GLDN: variants seen among roughly 807,000 people sequenced by gnomAD.
The protein encoded by GLDN is gliomedin.
Under a neutral mutation model 56.5 loss-of-function variants are expected in GLDN, and 47 were observed. The ratio of observed to expected loss-of-function variants is 0.83; its 90% CI spans 0.66 to 1.06. The LOEUF is 1.06. Ranked by LOEUF, GLDN falls within the 50% of genes least tolerant of loss-of-function variation. The probability of loss-of-function intolerance (pLI) is 0.00; values close to 1 mark genes in which losing one functional copy is unlikely to be tolerated. For synonymous variants in GLDN, 332 were observed against 278.8 expected (o/e 1.19, Z -1.90); for missense variants, 782 against 714.3 (o/e 1.09, Z -1.08).
chr15:51,404,572 G>A lies in GLDN; in HGVS notation c.1474G>A (p.Val492Ile), dbSNP rs1163730290. ...LYVTDTKDMR[V>I]TFAFDLLGGK... ...TGTCACAGACACCAAAGATATGAGG[G>A]TCACATTTGCCTTTGATTTGTTAGG... is the stretch of plus-strand genomic sequence containing the variant. Residue 492 changes from valine to isoleucine, a missense_variant, in exon 10 of 10, where the codon GTC (valine) becomes ATC (isoleucine). Transcript: ENST00000335449. The A allele has an allele frequency of 9.3e-6, 15 of 1,614,026 alleles. No homozygotes were observed. The highest frequency in any genetic ancestry group is 1.3e-5 in the Non-Finnish European group (15 of 1,180,032).
intron 1 of GLDN, among the ~76,000 whole-genome samples, chr15:51,368,354 A>C (rs1216639837): frequency 6.6e-6 from 1 of 152,046 alleles, no homozygotes. Context: ...AGAAACGGGC[A>C]GTCAGTAGGG....
At chr15:51,346,004 C>G (rs1009199062) in intron 1 of GLDN, among the ~76,000 whole-genome samples, 1 of 152,008 alleles carries the variant, frequency 6.6e-6, no homozygotes, top group Non-Finnish European at 1.5e-5. Flanking sequence ...ATATACTTAC[C>G]TTTTGTGTTA....
intron 6 of GLDN, among the ~76,000 whole-genome samples, chr15:51,399,889 G>A (rs182006025): frequency 6.6e-6 from 1 of 152,348 alleles, no homozygotes; most frequent in Admixed American, 6.5e-5. Flanking sequence ...AATTGCTGAG[G>A]CCTTGAACAG....
chr15:51,403,550 C>T (rs1742357849), intron 9 of GLDN, among the ~76,000 whole-genome samples: 1 of 152,186 alleles, frequency 6.6e-6, no homozygotes, highest in Admixed American at 6.5e-5. Flanking sequence ...TTTTACAATA[C>T]AGCCTAGAGT....
At chr15:51,368,923 A>T (rs1283350287) in intron 1 of GLDN, 1 of 152,130 alleles carries the variant, frequency 6.6e-6, no homozygotes, top group East Asian at 1.9e-4. Flanking sequence ...GTAAGAGCTA[A>T]GTTTTGGTTA....
intron 5 of GLDN, among the ~76,000 whole-genome samples, chr15:51,396,223 G>A (rs190737975): frequency 1.9e-4 from 29 of 152,284 alleles, no homozygotes; most frequent in Admixed American, 1.0e-3. Context: ...GGCCAGGGGC[G>A]CAGATGTTCC....
chr15:51,395,026 A>G, intron 5 of GLDN, 45 bp downstream of exon 5: 1 of 1,503,864 alleles, frequency 6.6e-7, no homozygotes, highest in East Asian at 2.4e-5. Context: ...TTGTGCGCCC[A>G]GAGAACTGCC....
At chr15:51,408,635 C>A (rs1021930436), downstream of GLDN, among the ~76,000 whole-genome samples, 1 of 152,218 alleles carries the variant, frequency 6.6e-6, no homozygotes, top group East Asian at 1.9e-4. Context: ...GCTGCACCCA[C>A]CAACTCGTCA....
At chr15:51,386,238 G>A (rs955952804) in intron 4 of GLDN, among the ~76,000 whole-genome samples, 2 of 152,124 alleles carry the variant, frequency 1.3e-5, no homozygotes, top group East Asian at 1.9e-4. Flanking sequence ...TTGAGTCCCC[G>A]AGGCCCCCAT....
chr15:51,391,230 G>T (rs893648675), intron 4 of GLDN, among the ~76,000 whole-genome samples: 6 of 146,496 alleles, frequency 4.1e-5, no homozygotes, highest in African/African-American at 2.8e-5. Flanking sequence ...CTGACCCTGT[G>T]GGGGGCGCAT....
intron 4 of GLDN, chr15:51,385,462 T>G (rs2037870559): frequency 6.6e-6 from 1 of 152,134 alleles, no homozygotes; most frequent in South Asian, 2.1e-4. Context: ...TTCTAGATGC[T>G]GGAGATTCAG....
rs747107082 is a variant in GLDN, at chr15:51,394,998, G to A, written c.688+17G>A. On this transcript the variant is annotated intron_variant, in intron 5 of 9. Coordinates refer to ENST00000335449, the MANE Select transcript of GLDN (RefSeq NM_181789.4). The stretch of plus-strand genomic sequence containing the variant: ...TCCTGGCAGGTAAGAGGGGTACGCT[G>A]TGGCTCTCTTTGAGGGCTTGTGCGC... The A allele has an allele frequency of 5.8e-6, 9 of 1,562,602 alleles. No individual in the cohort carries two copies. Among genetic ancestry groups the A allele is most frequent in the Non-Finnish European group, 7.8e-6 (9 of 1,159,680 alleles).
At chr15:51,370,838 A>G (rs1181001750) in intron 1 of GLDN, among the ~76,000 whole-genome samples, 1 of 152,066 alleles carries the variant, frequency 6.6e-6, no homozygotes, top group Non-Finnish European at 1.5e-5. Context: ...CTAAAAATAC[A>G]AAAATTAGCT....
chr15:51,351,802 C>T (rs1261369097), intron 1 of GLDN, among the ~76,000 whole-genome samples: 1 of 152,142 alleles, frequency 6.6e-6, no homozygotes, highest in African/African-American at 2.4e-5. Flanking sequence ...ACTTGGAAGT[C>T]AGATGGATTC....
chr15:51,395,159 C>G (rs1357501082), intron 5 of GLDN, among the ~76,000 whole-genome samples, 178 bp downstream of exon 5: 1 of 152,154 alleles, frequency 6.6e-6, no homozygotes, highest in Non-Finnish European at 1.5e-5. Flanking sequence ...GCATGTTACT[C>G]CATGTGGCAA....
chr15:51,361,537 G>A (rs950235828), intron 1 of GLDN, among the ~76,000 whole-genome samples: 2 of 152,116 alleles, frequency 1.3e-5, no homozygotes, highest in African/African-American at 4.8e-5. Flanking sequence ...CATCAGGTAT[G>A]GGTAAGACTG....
At chr15:51,392,213 C>T (rs1378555930) in intron 4 of GLDN, among the ~76,000 whole-genome samples, 1 of 152,172 alleles carries the variant, frequency 6.6e-6, no homozygotes, top group Non-Finnish European at 1.5e-5. Context: ...CCCCCAGACC[C>T]ATATCGGTCC....
At chr15:51,375,841 C>T (rs912160510) in intron 1 of GLDN, among the ~76,000 whole-genome samples, 2 of 152,050 alleles carry the variant, frequency 1.3e-5, no homozygotes, top group African/African-American at 4.8e-5. Context: ...CTGTGTTCAC[C>T]CAGTTAATAG....
chr15:51,347,703 A>G (rs903190926), intron 1 of GLDN, among the ~76,000 whole-genome samples: 2 of 152,238 alleles, frequency 1.3e-5, no homozygotes, highest in Non-Finnish European at 2.9e-5. Context: ...TTGACCCAGC[A>G]ATCTCACCAT....
Sources: allele counts gnomAD v4.1 joint callset (sites outside exome capture counted in the v4.1 genomes callset), GRCh38; gene constraint gnomAD v4.1.1; transcripts MANE v1.5; gene names NCBI Gene and HGNC (gene_info 2026-07-23, HGNC 2026-07-21).